The following NBAS variants were observed in gnomAD, a reference collection of about 807,000 sequenced individuals.
The protein encoded by NBAS is NAG/BC035112 fusion.
NBAS carries 219 observed loss-of-function variants against 302.5 expected under a neutral mutation model. The observed-to-expected ratio is 0.72, with a 90% CI of 0.65 to 0.81. The LOEUF is 0.81. Ranked by LOEUF, NBAS falls within the 30% of genes least tolerant of loss-of-function variation. The probability of loss-of-function intolerance (pLI) is 0.00; values close to 1 mark genes in which losing one functional copy is unlikely to be tolerated. For missense variants in NBAS, 2,932 were observed against 2,841.6 expected (o/e 1.03, Z -0.72); for synonymous variants, 1,118 against 1,021.6 (o/e 1.09, Z -1.80).
At chr2:15,541,582 C>T (rs1663822930) in intron 6 of NBAS, among the ~76,000 whole-genome samples, 1 of 152,030 alleles carries the variant, frequency 6.6e-6, no homozygotes, top group Non-Finnish European at 1.5e-5. Flanking sequence ...ACAAAAAAAT[C>T]CCGGAGAGGT....
the NBAS span, among the ~76,000 whole-genome samples, chr2:14,973,592 C>A: frequency 6.6e-6 from 1 of 152,160 alleles, no homozygotes; most frequent in African/African-American, 2.4e-5. Context: ...CACAAAGAAG[C>A]AGCTTCAAAC....
chr2:15,556,689 G>T, intron 3 of NBAS, 94 bp downstream of exon 3: 3 of 1,196,584 alleles, frequency 2.5e-6, no homozygotes, highest in South Asian at 1.3e-5. Flanking sequence ...ACTTTATCAT[G>T]ATCTAGAATT....
the NBAS span, among the ~76,000 whole-genome samples, chr2:15,109,618 G>A: frequency 6.6e-6 from 1 of 152,130 alleles, no homozygotes; most frequent in Non-Finnish European, 1.5e-5. Flanking sequence ...GGCACAGTCA[G>A]GGGGTGGTGA....
At chr2:14,827,584 G>A in the NBAS span, among the ~76,000 whole-genome samples, 1 of 152,166 alleles carries the variant, frequency 6.6e-6, no homozygotes, top group Non-Finnish European at 1.5e-5. Flanking sequence ...TAAAGAAAAG[G>A]CAGTATATGC....
the NBAS span, among the ~76,000 whole-genome samples, chr2:14,803,007 T>C: frequency 6.6e-6 from 1 of 150,832 alleles, no homozygotes; most frequent in African/African-American, 2.4e-5. Flanking sequence ...ACCTGCACAA[T>C]GTGCACATGT....
chr2:15,419,041 A>T (rs1169951649), intron 23 of NBAS, among the ~76,000 whole-genome samples: 1 of 152,248 alleles, frequency 6.6e-6, no homozygotes, highest in East Asian at 1.9e-4. Context: ...AGTTACCAGT[A>T]TTAGAGAAAT....
rs148644578 is a variant in NBAS, at chr2:15,328,302, C to T, written c.4358G>A (p.Cys1453Tyr). 8.9e-4 allele frequency: 1,443 copies of T among 1,613,594 alleles called. 4 individuals are homozygous for T. Among genetic ancestry groups the T allele is most frequent in the Admixed American group, 5.4e-3 (324 of 59,982 alleles). ...AGTTCCGATTTGATATGCACCACCA[C>T]ATTTTTGCCCCTAAAAAGAAAAAAA... is the stretch of plus-strand genomic sequence containing the variant. ...TYLRPLQGQK[C>Y]GGAYQIGTTA... Residue 1453 changes from cysteine (C) to tyrosine (Y), a missense_variant, in exon 37 of 52, where the codon TGT becomes TAT. Coordinates refer to ENST00000281513, the MANE Select transcript of NBAS (RefSeq NM_015909.4).
the NBAS span, among the ~76,000 whole-genome samples, chr2:14,790,685 C>T: frequency 1.4e-5 from 2 of 139,848 alleles, no homozygotes; most frequent in Non-Finnish European, 3.0e-5. Context: ...GAGTTTCACA[C>T]TTGTTGCCCA....
intron 35 of NBAS, among the ~76,000 whole-genome samples, chr2:15,346,145 A>G (rs564476253): frequency 5.3e-5 from 8 of 152,342 alleles, no homozygotes; most frequent in African/African-American, 1.7e-4. Context: ...CAAAAGCCAA[A>G]ATTGACAAAT....
chr2:14,921,679 T>G, the NBAS span, among the ~76,000 whole-genome samples: 2 of 152,176 alleles, frequency 1.3e-5, no homozygotes, highest in Non-Finnish European at 2.9e-5. Flanking sequence ...GGGGACCATC[T>G]TCACAGGCAT....
intron 45 of NBAS, among the ~76,000 whole-genome samples, chr2:15,238,131 G>A (rs989505480): frequency 6.6e-6 from 1 of 151,990 alleles, no homozygotes; most frequent in Non-Finnish European, 1.5e-5. Flanking sequence ...GAGCACCACT[G>A]TCTTCTCATT....
intron 16 of NBAS, among the ~76,000 whole-genome samples, chr2:15,469,757 T>G (rs1213046997): frequency 1.3e-5 from 2 of 148,760 alleles, no homozygotes; most frequent in Non-Finnish European, 3.0e-5. Flanking sequence ...AAACACCGCA[T>G]GTTCTCACTC....
At chr2:15,537,961 C>T (rs1279885793) in intron 7 of NBAS, among the ~76,000 whole-genome samples, 4 of 152,150 alleles carry the variant, frequency 2.6e-5, no homozygotes, top group African/African-American at 9.7e-5. Context: ...ACACAGTCAA[C>T]ACTTGATACA....
chr2:15,555,563 A>T (rs774521009), intron 3 of NBAS, among the ~76,000 whole-genome samples: 19 of 152,170 alleles, frequency 1.2e-4, no homozygotes, highest in Non-Finnish European at 2.4e-4. Flanking sequence ...TAAAAAAAGA[A>T]GAAAAAGTCA....
chr2:14,963,194 G>A, the NBAS span, among the ~76,000 whole-genome samples: 1 of 152,200 alleles, frequency 6.6e-6, no homozygotes, highest in African/African-American at 2.4e-5. Flanking sequence ...CTTGAACCTG[G>A]GAGGCGGAGG....
chr2:15,223,322 C>T (rs1667027855), intron 47 of NBAS, among the ~76,000 whole-genome samples: 1 of 151,948 alleles, frequency 6.6e-6, no homozygotes, highest in African/African-American at 2.4e-5. Flanking sequence ...AGGGGAAAAG[C>T]ATGTCAGTAT....
the NBAS span, among the ~76,000 whole-genome samples, chr2:15,125,597 G>A: frequency 3.9e-5 from 6 of 152,094 alleles, no homozygotes; most frequent in Admixed American, 6.5e-5. Context: ...TCCTTGCTCC[G>A]GTGTTCCCTG....
intron 38 of NBAS, among the ~76,000 whole-genome samples, chr2:15,321,723 G>A (rs1175967482): frequency 1.7e-4 from 26 of 152,078 alleles, no homozygotes; most frequent in Admixed American, 8.5e-4. Flanking sequence ...AATGGCGATC[G>A]TTAAAAAGTC....
chr2:15,046,687 G>T, the NBAS span, among the ~76,000 whole-genome samples: 2 of 152,200 alleles, frequency 1.3e-5, no homozygotes, highest in Admixed American at 6.5e-5. Context: ...GAAGAAGAAA[G>T]TTGAGTCAGT....
Sources: allele counts gnomAD v4.1 joint callset (sites outside exome capture counted in the v4.1 genomes callset), GRCh38; gene constraint gnomAD v4.1.1; transcripts MANE v1.5; gene names NCBI Gene and HGNC (gene_info 2026-07-23, HGNC 2026-07-21).